TPTE2: variants seen among roughly 807,000 people sequenced by gnomAD.
TPTE2 encodes phosphatidylinositol 3,4,5-trisphosphate 3-phosphatase TPTE2.
A neutral mutation model predicts 78.6 loss-of-function variants in TPTE2; 53 were observed. The ratio of observed to expected loss-of-function variants is 0.67; its 90% CI spans 0.54 to 0.85. The LOEUF (loss-of-function observed/expected upper bound fraction) is 0.85. Ranked by LOEUF, TPTE2 falls within the 40% of genes least tolerant of loss-of-function variation. The pLI, the probability that TPTE2 is intolerant of heterozygous loss-of-function variation, is 0.00. For synonymous variants in TPTE2, 175 were observed against 206.2 expected (o/e 0.85, Z 1.30); for missense variants, 461 against 623.0 (o/e 0.74, Z 2.77).
intron 3 of TPTE2, among the ~76,000 whole-genome samples, chr13:19,488,208 A>G (rs7322233): frequency 1.7e-3 from 266 of 152,306 alleles, no homozygotes; most frequent in African/African-American, 6.1e-3. Context: ...GATGAGCACC[A>G]GGCATCTCTA....
chr13:19,456,504 T>A (rs1679774540), intron 10 of TPTE2, among the ~76,000 whole-genome samples: 1 of 152,124 alleles, frequency 6.6e-6, no homozygotes, highest in Admixed American at 6.6e-5. Context: ...TTAGTTATGT[T>A]CCTACATACC....
chr13:19,478,070 T>C (rs1880082853), intron 4 of TPTE2, among the ~76,000 whole-genome samples: 1 of 152,116 alleles, frequency 6.6e-6, no homozygotes, highest in Non-Finnish European at 1.5e-5. Flanking sequence ...AAACTCAAAA[T>C]TAGGTAAGTC....
chr13:19,547,036 T>A, the TPTE2 span, among the ~76,000 whole-genome samples: 1 of 150,108 alleles, frequency 6.7e-6, no homozygotes, highest in African/African-American at 2.4e-5. Flanking sequence ...TTACCAAGGA[T>A]AGCCCTCCTG....
chr13:19,503,235 A>G (rs753613392), exon 1 of TPTE2: 1 of 1,613,822 alleles, frequency 6.2e-7, no homozygotes, highest in Non-Finnish European at 8.5e-7. Context: ...TTTCATTCAT[A>G]CGTGCCTCTG....
At chr13:19,534,391 A>G (rs556315242) in intron 1 of TPTE2, among the ~76,000 whole-genome samples, 1 of 152,332 alleles carries the variant, frequency 6.6e-6, no homozygotes, top group Admixed American at 6.5e-5. Context: ...CCTTGGGGGC[A>G]CTATGCCAGA....
At chr13:19,523,802 C>A (rs777628403) in intron 1 of TPTE2, among the ~76,000 whole-genome samples, 2 of 152,076 alleles carry the variant, frequency 1.3e-5, no homozygotes, top group African/African-American at 4.8e-5. Context: ...TTTCTGAACT[C>A]GCAAAATGTG....
intron 3 of TPTE2, among the ~76,000 whole-genome samples, chr13:19,489,583 T>C (rs1379351559): frequency 6.6e-6 from 1 of 150,482 alleles, no homozygotes; most frequent in Non-Finnish European, 1.5e-5. Flanking sequence ...TACATAGATA[T>C]GTATATATAG....
Position 19,443,737 on chromosome 13 carries a change from TACACACACACACACAC to T in TPTE2, c.974-5600_974-5585del, listed in dbSNP as rs373060672. 2.1e-3 allele frequency among the ~76,000 whole-genome samples: 269 copies of T among 129,860 alleles called. 1 individual carries two copies. The highest frequency in any genetic ancestry group is 7.8e-3 in the African/African-American group (247 of 31,514). The allele number at this position is 129,860 out of a possible 152,430, so 85.2% of individuals were successfully genotyped here. On this transcript the variant is annotated intron_variant, in intron 13 of 19. Transcript: ENST00000400230. ...TTCTTAATCGATAAATGGTAGCTAATACACACACACACACACACACACACACACACACACACACACA... is the reference window on the plus strand; with the variant it reads ...TTCTTAATCGATAAATGGTAGCTAATACACACACACACACACACACACACA...
intron 1 of TPTE2, among the ~76,000 whole-genome samples, chr13:19,529,714 C>G (rs756588864): frequency 9.2e-5 from 14 of 152,154 alleles, no homozygotes; most frequent in Non-Finnish European, 2.9e-5. Context: ...GCCTAAATCA[C>G]CAATCCTTGG....
intron 3 of TPTE2, among the ~76,000 whole-genome samples, chr13:19,487,123 T>C (rs1273817446): frequency 6.6e-6 from 1 of 151,896 alleles, no homozygotes; most frequent in African/African-American, 2.4e-5. Context: ...AGTATTTCTG[T>C]GGGGGGTGGC....
At chr13:19,425,338 T>C (rs1875948359) in intron 18 of TPTE2, among the ~76,000 whole-genome samples, 1 of 152,242 alleles carries the variant, frequency 6.6e-6, no homozygotes, top group Non-Finnish European at 1.5e-5. Context: ...TATGCCTATA[T>C]ATACCCAACT....
intron 3 of TPTE2, among the ~76,000 whole-genome samples, chr13:19,490,151 T>C (rs1419230047): frequency 2.6e-5 from 4 of 152,194 alleles, no homozygotes; most frequent in African/African-American, 9.6e-5. Context: ...AGTTCTTTAT[T>C]ACTTCATTTG....
chr13:19,529,934 A>G (rs147843983), intron 1 of TPTE2, among the ~76,000 whole-genome samples: 280 of 152,292 alleles, frequency 1.8e-3, no homozygotes, highest in African/African-American at 6.4e-3. Context: ...GCCCTACTGA[A>G]GTAGCCCCAG....
intron 1 of TPTE2, among the ~76,000 whole-genome samples, chr13:19,502,590 T>C (rs946420148): frequency 9.6e-5 from 14 of 146,102 alleles, no homozygotes; most frequent in South Asian, 8.8e-4. Flanking sequence ...TAGGTGGGAA[T>C]TGAACAATGA....
chr13:19,453,292 G>C (rs1593364796), intron 10 of TPTE2, among the ~76,000 whole-genome samples: 1 of 151,832 alleles, frequency 6.6e-6, no homozygotes, highest in Non-Finnish European at 1.5e-5. Context: ...GCCTCCCAAA[G>C]TGCTGGAATT....
At chr13:19,538,867 G>A (rs1871355878), upstream of TPTE2, among the ~76,000 whole-genome samples, 1 of 152,172 alleles carries the variant, frequency 6.6e-6, no homozygotes, top group Admixed American at 6.5e-5. Context: ...AAATCCGACA[G>A]AATTGGATTT....
At chr13:19,460,270 T>C (rs1159754869) in intron 10 of TPTE2, among the ~76,000 whole-genome samples, 1 of 152,220 alleles carries the variant, frequency 6.6e-6, no homozygotes. Context: ...TGGGCAGGAC[T>C]GCACACTCAC....
At chr13:19,464,088 G>C (rs1459384698) in intron 10 of TPTE2, among the ~76,000 whole-genome samples, 2 of 152,288 alleles carry the variant, frequency 1.3e-5, no homozygotes, top group East Asian at 3.9e-4. Flanking sequence ...TGTCAGTTGA[G>C]GGTAGCCAAG....
At chr13:19,482,050 T>C (rs1401789065) in intron 4 of TPTE2, among the ~76,000 whole-genome samples, 1 of 152,044 alleles carries the variant, frequency 6.6e-6, no homozygotes, top group African/African-American at 2.4e-5. Context: ...AAAATCCCAA[T>C]GAGCATAAAG....
Sources: gnomAD v4.1 joint callset for allele counts (sites outside exome capture counted in the v4.1 genomes callset) on GRCh38, gnomAD v4.1.1 for gene constraint, MANE v1.5 for transcripts, NCBI Gene and HGNC (gene_info 2026-07-23, HGNC 2026-07-21) for gene names.